Variants in PLEKHS1 observed in about 807,000 individuals in gnomAD.
The protein encoded by PLEKHS1 is pleckstrin homology domain-containing family S member 1.
In PLEKHS1, 55 loss-of-function variants were observed where a neutral mutation model predicts 51.0. The ratio of observed to expected loss-of-function variants is 1.08; its 90% confidence interval spans 0.87 to 1.35. The LOEUF (loss-of-function observed/expected upper bound fraction) is 1.35. Among genes scored for constraint, PLEKHS1 ranks in the 40% most tolerant of loss-of-function variants. The probability of loss-of-function intolerance (pLI) is 0.00; values close to 1 mark genes in which losing one functional copy is unlikely to be tolerated. For missense variants in PLEKHS1, 398 were observed against 423.0 expected (o/e 0.94, Z 0.52); for synonymous variants, 153 against 144.8 (o/e 1.06, Z -0.41).
At chr10:113,755,938 A>G (rs1175538268) in intron 2 of PLEKHS1, among the ~76,000 whole-genome samples, 1 of 152,100 alleles carries the variant, frequency 6.6e-6, no homozygotes, top group Admixed American at 6.5e-5. Context: ...TTTACGTGAA[A>G]CTCACACTTA....
chr10:113,760,454 G>T (rs59263750), intron 2 of PLEKHS1, among the ~76,000 whole-genome samples: 1 of 151,762 alleles, frequency 6.6e-6, no homozygotes, highest in Non-Finnish European at 1.5e-5. Flanking sequence ...ATGAGTTCCA[G>T]ACCAACCTGG....
chr10:113,773,606 G>A (rs1307041441), intron 8 of PLEKHS1, among the ~76,000 whole-genome samples: 5 of 152,260 alleles, frequency 3.3e-5, no homozygotes, highest in African/African-American at 7.2e-5. Context: ...CGAACATGGC[G>A]ATGGAACAGC....
chr10:113,768,962 C>G (rs1378549376), intron 6 of PLEKHS1, 72 bp downstream of exon 6: 1 of 1,164,202 alleles, frequency 8.6e-7, no homozygotes, highest in Non-Finnish European at 1.2e-6. Context: ...ACAATGGTAG[C>G]TTTCCTTTGC....
exon 10 of PLEKHS1, chr10:113,774,895 C>T: frequency 2.5e-6 from 4 of 1,614,118 alleles, no homozygotes; most frequent in Non-Finnish European, 3.4e-6. Flanking sequence ...TTCCAGAGAC[C>T]CAGGATGGGG....
intron 1 of PLEKHS1, among the ~76,000 whole-genome samples, chr10:113,753,898 T>C (rs1353010071): frequency 6.6e-6 from 1 of 151,934 alleles, no homozygotes; most frequent in Non-Finnish European, 1.5e-5. Flanking sequence ...ACCTCTGCCT[T>C]CTGGGTTCAT....
chr10:113,771,434 G>T (rs1435912485), intron 7 of PLEKHS1, among the ~76,000 whole-genome samples: 5 of 152,110 alleles, frequency 3.3e-5, no homozygotes, highest in Non-Finnish European at 7.4e-5. Context: ...AGCACTTTGG[G>T]AGGCTGAGGC....
chr10:113,769,800 G>A (rs1844321484), exon 7 of PLEKHS1: 3 of 1,612,718 alleles, frequency 1.9e-6, no homozygotes, highest in Non-Finnish European at 2.5e-6. Flanking sequence ...CTCTCATTGG[G>A]TAATAAAAGA....
chr10:113,780,293 T>A (rs1028026446), intron 11 of PLEKHS1, among the ~76,000 whole-genome samples: 1 of 152,154 alleles, frequency 6.6e-6, no homozygotes, highest in African/African-American at 2.4e-5. Flanking sequence ...TCATTTTGAT[T>A]CACTTGTTTG....
chr10:113,774,261 A>G (rs763045209), exon 9 of PLEKHS1: 1 of 1,602,302 alleles, frequency 6.2e-7, no homozygotes, highest in South Asian at 1.1e-5. Context: ...GATTCTGGTG[A>G]ATCCATTGAA....
At chr10:113,772,503 C>T (rs749163777) in intron 8 of PLEKHS1, among the ~76,000 whole-genome samples, 1 of 152,082 alleles carries the variant, frequency 6.6e-6, no homozygotes, top group Non-Finnish European at 1.5e-5. Flanking sequence ...TGCTGTGTAT[C>T]GATCAGTCTA....
chr10:113,777,457 TGAGCTAA>T, intron 11 of PLEKHS1, 198 bp downstream of exon 12: 1 of 1,601,092 alleles, frequency 6.2e-7, no homozygotes, highest in Non-Finnish European at 8.5e-7. Flanking sequence ...GAGAAGGCAC[TGAGCTAA>T]GAGACAGAGC....
chr10:113,769,667 A>T (rs1283117481), intron 6 of PLEKHS1, 117 bp from the exon 7 acceptor site: 4 of 714,062 alleles, frequency 5.6e-6, no homozygotes, highest in Admixed American at 2.1e-5. Flanking sequence ...GGCCAGCGGC[A>T]TGAATGTTAG....
At chr10:113,762,775 T>C (rs367967304) in intron 2 of PLEKHS1, among the ~76,000 whole-genome samples, 5 of 152,042 alleles carry the variant, frequency 3.3e-5, no homozygotes, top group African/African-American at 9.7e-5. Flanking sequence ...GAGAAGAATG[T>C]ATACTCTATT....
intron 11 of PLEKHS1, among the ~76,000 whole-genome samples, chr10:113,780,206 C>T (rs1243263257): frequency 6.6e-6 from 1 of 152,164 alleles, no homozygotes; most frequent in Non-Finnish European, 1.5e-5. Context: ...AGGGGAAGGA[C>T]ATGACAGGTT....
chr10:113,756,957 C>T (rs1027107053), intron 2 of PLEKHS1, among the ~76,000 whole-genome samples: 20 of 140,032 alleles, frequency 1.4e-4, no homozygotes, highest in Non-Finnish European at 2.7e-4. Context: ...CACTCTGTCG[C>T]TCAGGCTGGA....
At position 113,765,102 on chromosome 10, in the gene PLEKHS1, A is replaced by G. The variant is rs569278226; in HGVS notation, c.29-1309A>G. 1.3e-3 allele frequency: 466 copies of G among 358,230 alleles called. 1 individual carries two copies. The highest frequency in any genetic ancestry group is 3.7e-3 in the Middle Eastern group (5 of 1,342). The allele number at this position is 358,230 out of a possible 1,614,324, so 22.2% of individuals were successfully genotyped here. On this transcript the variant is annotated intron_variant, in intron 2 of 11. Coordinates refer to ENST00000361048, the Ensembl canonical transcript of PLEKHS1. The stretch of plus-strand genomic sequence containing the variant: ...TGATCATGTTTTCCTTCCTCTTTGT[A>G]TGCCTGGTAAACTTTGATTGACTGC...
intron 11 of PLEKHS1, 110 bp from the exon 12 acceptor site, chr10:113,777,014 T>G (rs1844698871): frequency 1.6e-6 from 2 of 1,234,926 alleles, no homozygotes; most frequent in African/African-American, 3.0e-5. Context: ...AAGGAGATAG[T>G]CTACTTCAGA....
intron 1 of PLEKHS1, among the ~76,000 whole-genome samples, chr10:113,753,418 T>C (rs563833113): frequency 1.3e-5 from 2 of 152,218 alleles, no homozygotes; most frequent in Admixed American, 6.5e-5. Flanking sequence ...TTACGTTCTC[T>C]TTCTCACACA....
intron 2 of PLEKHS1, among the ~76,000 whole-genome samples, chr10:113,765,850 A>T (rs1157224500): frequency 6.6e-6 from 1 of 152,214 alleles, no homozygotes; most frequent in Non-Finnish European, 1.5e-5. Context: ...TTACTAAAAA[A>T]ATTAGAGCTT....
Sources: gnomAD v4.1 joint callset for allele counts (sites outside exome capture counted in the v4.1 genomes callset) on GRCh38, gnomAD v4.1.1 for gene constraint, MANE v1.5 for transcripts, NCBI Gene and HGNC (gene_info 2026-07-23, HGNC 2026-07-21) for gene names.